The following PTPRD variants were observed in gnomAD, a reference collection of about 807,000 sequenced individuals.
The protein encoded by PTPRD is receptor-type tyrosine-protein phosphatase delta.
Under a neutral mutation model 214.5 loss-of-function variants are expected in PTPRD, and 34 were observed. The observed-to-expected ratio is 0.16, with a 90% CI of 0.12 to 0.21. PTPRD has a LOEUF of 0.21. Among genes scored for constraint, PTPRD ranks in the 10% least tolerant of loss-of-function variants. The probability of loss-of-function intolerance (pLI) is 1.00; values close to 1 mark genes in which losing one functional copy is unlikely to be tolerated. For missense variants in PTPRD, 2,545 were observed against 2,398.7 expected (o/e 1.06, Z -1.27); for synonymous variants, 1,128 against 845.7 (o/e 1.33, Z -5.79).
intron 2 of PTPRD, among the ~76,000 whole-genome samples, chr9:10,430,133 C>G (rs2098663837): frequency 6.6e-6 from 1 of 151,862 alleles, no homozygotes; most frequent in South Asian, 2.1e-4. Context: ...GTATTTCCCT[C>G]CATAAGGGAG....
chr9:8,588,411 G>C (rs1464723235), intron 14 of PTPRD, among the ~76,000 whole-genome samples: 1 of 152,126 alleles, frequency 6.6e-6, no homozygotes, highest in Non-Finnish European at 1.5e-5. Context: ...AATGTGTTTT[G>C]GAAGTTCAAG....
At chr9:10,516,474 C>T (rs1446093872) in intron 2 of PTPRD, among the ~76,000 whole-genome samples, 1 of 151,844 alleles carries the variant, frequency 6.6e-6, no homozygotes, top group African/African-American at 2.4e-5. Flanking sequence ...AAAAATTAAA[C>T]CTTTATCAGA....
chr9:10,032,274 C>A (rs1011581530), intron 4 of PTPRD, among the ~76,000 whole-genome samples: 1 of 152,024 alleles, frequency 6.6e-6, no homozygotes, highest in African/African-American at 2.4e-5. Flanking sequence ...CATCTTGTAG[C>A]CCAAAACTAA....
At chr9:8,667,677 TATAAA>T (rs1253989687) in intron 12 of PTPRD, among the ~76,000 whole-genome samples, 11 of 152,066 alleles carry the variant, frequency 7.2e-5, no homozygotes, top group Non-Finnish European at 4.4e-5. Flanking sequence ...GAAAGGTAAA[TATAAA>T]ATATAAATGA....
intron 3 of PTPRD, among the ~76,000 whole-genome samples, chr9:10,208,864 G>C (rs1046636983): frequency 6.6e-6 from 1 of 152,156 alleles, no homozygotes; most frequent in Non-Finnish European, 1.5e-5. Flanking sequence ...GAGGCATATT[G>C]CACCAGCTGT....
chr9:10,288,068 A>C (rs1026506543), intron 3 of PTPRD, among the ~76,000 whole-genome samples: 4 of 150,732 alleles, frequency 2.7e-5, no homozygotes, highest in Non-Finnish European at 4.4e-5. Context: ...TTAAGAATTC[A>C]AAAATTTTTT....
chr9:8,489,409 T>G (rs1033296261), intron 27 of PTPRD, among the ~76,000 whole-genome samples: 11 of 152,168 alleles, frequency 7.2e-5, no homozygotes, highest in African/African-American at 2.7e-4. Context: ...CTGCTCTCTA[T>G]TGCCAAACCC....
intron 2 of PTPRD, among the ~76,000 whole-genome samples, chr9:10,399,879 G>A (rs1298317203): frequency 6.6e-6 from 1 of 151,816 alleles, no homozygotes; most frequent in Non-Finnish European, 1.5e-5. Context: ...GCGTAGCTAA[G>A]AAAATGGATA....
chr9:9,354,690 G>C (rs970463130), intron 9 of PTPRD, among the ~76,000 whole-genome samples: 6 of 151,746 alleles, frequency 4.0e-5, no homozygotes, highest in African/African-American at 1.4e-4. Flanking sequence ...GCTATGGAAT[G>C]ATAGTAAAGG....
chr9:10,465,471 G>C (rs779763352), intron 2 of PTPRD, among the ~76,000 whole-genome samples: 4 of 152,144 alleles, frequency 2.6e-5, no homozygotes, highest in Non-Finnish European at 5.9e-5. Context: ...ACCTACTAAA[G>C]AGTGTCGTCA....
At chr9:9,074,788 C>A (rs902272379) in intron 10 of PTPRD, among the ~76,000 whole-genome samples, 2 of 150,496 alleles carry the variant, frequency 1.3e-5, no homozygotes, top group East Asian at 3.9e-4. Flanking sequence ...GTACGGTTTG[C>A]AAATATTTTC....
intron 5 of PTPRD, among the ~76,000 whole-genome samples, chr9:9,867,491 T>C (rs560812239): frequency 6.4e-4 from 97 of 152,228 alleles, no homozygotes; most frequent in African/African-American, 2.3e-3. Flanking sequence ...CCTCAACATA[T>C]TGCTTCTATA....
intron 7 of PTPRD, among the ~76,000 whole-genome samples, chr9:9,678,666 T>C (rs2154395991): frequency 6.6e-6 from 1 of 151,484 alleles, no homozygotes; most frequent in South Asian, 2.1e-4. Flanking sequence ...GCTCCAAAAG[T>C]AAAAAGACCT....
chr9:8,567,735 C>T (rs190761530), intron 14 of PTPRD, among the ~76,000 whole-genome samples: 1 of 152,292 alleles, frequency 6.6e-6, no homozygotes, highest in Admixed American at 6.5e-5. Context: ...ATGAATCATA[C>T]AACCTTTAGG....
chr9:10,608,121 G>A (rs2079977295), intron 2 of PTPRD, among the ~76,000 whole-genome samples: 1 of 151,918 alleles, frequency 6.6e-6, no homozygotes. Context: ...CTACATGTAT[G>A]TAAGGAATAA....
intron 3 of PTPRD, among the ~76,000 whole-genome samples, chr9:10,196,742 TG>T (rs1382688214): frequency 1.3e-5 from 2 of 152,138 alleles, no homozygotes. Context: ...CATAGTGCAG[TG>T]GACTGAATGT....
chr9:8,860,708 A>G (rs1465528821), intron 11 of PTPRD: 4 of 152,236 alleles, frequency 2.6e-5, no homozygotes, highest in Non-Finnish European at 4.4e-5. Context: ...GGACTGGTTT[A>G]CCATTTGGAA....
At chr9:9,025,971 G>A (rs1030155762) in intron 10 of PTPRD, among the ~76,000 whole-genome samples, 3 of 151,790 alleles carry the variant, frequency 2.0e-5, no homozygotes, top group Admixed American at 6.6e-5. Context: ...ATGCTAATGG[G>A]TAACAGGTAA....
At chr9:8,545,379 GTT>G (rs934160751) in intron 14 of PTPRD, among the ~76,000 whole-genome samples, 4 of 152,158 alleles carry the variant, frequency 2.6e-5, no homozygotes, top group African/African-American at 9.7e-5. Context: ...GGATCCCTAA[GTT>G]CATGAGACAA....
Sources: gnomAD v4.1 joint callset for allele counts (sites outside exome capture counted in the v4.1 genomes callset) on GRCh38, gnomAD v4.1.1 for gene constraint, MANE v1.5 for transcripts, NCBI Gene and HGNC (gene_info 2026-07-23, HGNC 2026-07-21) for gene names.